The following CLN6 variants were observed in gnomAD, a reference collection of about 807,000 sequenced individuals.
The protein encoded by CLN6 is ceroid-lipofuscinosis neuronal protein 6.
In CLN6, 22 loss-of-function variants were observed where a neutral mutation model predicts 33.3. The observed-to-expected ratio is 0.66, with a 90% confidence interval of 0.47 to 0.94. The LOEUF is 0.94. Among genes scored for constraint, CLN6 ranks in the 40% least tolerant of loss-of-function variants. The pLI, the probability that CLN6 is intolerant of heterozygous loss-of-function variation, is 0.00. For synonymous variants in CLN6, 201 were observed against 174.6 expected (o/e 1.15, Z -1.19); for missense variants, 387 against 417.1 (o/e 0.93, Z 0.63).
At position 68,235,844 on chromosome 15, in the gene CLN6, G is replaced by T. The variant is rs373937898; in HGVS notation, c.180-17194C>A. On this transcript the variant is annotated intron_variant, in intron 1 of 6. Coordinates refer to the CLN6 transcript ENST00000538696. ...TTTGTTAAGCACCTGTTAGATTTCA[G>T]TCATGGTTCTAGATGATGGGAATAT... 3.3e-5 allele frequency among the ~76,000 whole-genome samples: 5 copies of T among 152,076 alleles called. No individual in the cohort carries two copies. The East Asian group carries it at 5.8e-4, about 18-fold the overall frequency.
chr15:68,250,830 A>G (rs1892371716), intron 1 of CLN6, among the ~76,000 whole-genome samples: 1 of 152,180 alleles, frequency 6.6e-6, no homozygotes, highest in South Asian at 2.1e-4. Context: ...CTACTTTCAA[A>G]TCACCATAAA....
At chr15:68,254,120 C>G (rs1467742594) in intron 1 of CLN6, among the ~76,000 whole-genome samples, 1 of 151,710 alleles carries the variant, frequency 6.6e-6, no homozygotes, top group African/African-American at 2.4e-5. Flanking sequence ...ACCTCGTGAT[C>G]CGCCCGTCTC....
rs1225400077 is a variant in CLN6 at position 68,226,143 on chromosome 15, C to T, written c.83+3359G>A. Among the ~76,000 whole-genome samples the T allele has an allele frequency of 4.0e-5, 6 of 151,724 alleles. No individual in the cohort carries two copies. In the South Asian group the frequency reaches 8.3e-4, roughly 21 times the overall value. ...GACCAGCCTGGCCAACATGGTGAAA[C>T]GCCGTCTCTACTAAAAATACAAAAA... On this transcript the variant is annotated intron_variant, in intron 1 of 6. Transcript: ENST00000249806.
At chr15:68,237,959 C>T (rs1892238247) in intron 1 of CLN6, among the ~76,000 whole-genome samples, 1 of 151,868 alleles carries the variant, frequency 6.6e-6, no homozygotes, top group Admixed American at 6.6e-5. Context: ...CCCGTCTCTA[C>T]TAAAAATACA....
intron 2 of CLN6, chr15:68,218,205 C>T: frequency 3.1e-6 from 1 of 320,834 alleles, no homozygotes; most frequent in South Asian, 2.8e-5. Context: ...TTTCCTATAC[C>T]CCTTTGTCTG....
chr15:68,226,192 A>C (rs1200920958), intron 1 of CLN6, among the ~76,000 whole-genome samples: 2 of 151,306 alleles, frequency 1.3e-5, no homozygotes, highest in African/African-American at 4.9e-5. Context: ...GGTGCCGAGC[A>C]CCTGTAATCC....
intron 3 of CLN6, 80 bp downstream of exon 3, chr15:68,214,210 C>T (rs2093214102): frequency 1.8e-6 from 2 of 1,105,708 alleles, no homozygotes; most frequent in Non-Finnish European, 2.8e-6. Flanking sequence ...TGAGTCAGGA[C>T]ACAGGGCTTA....
At chr15:68,229,204 C>A (rs2093260668) in intron 1 of CLN6, among the ~76,000 whole-genome samples, 1 of 152,184 alleles carries the variant, frequency 6.6e-6, no homozygotes, top group Non-Finnish European at 1.5e-5. Flanking sequence ...CAGCCCGGGT[C>A]GCTGGAACGC....
In CLN6 at chr15:68,246,132, C is replaced by T. The variant is rs1459430180; in HGVS notation, c.179+10558G>A. Among the ~76,000 whole-genome samples the T allele has an allele frequency of 6.6e-6, 1 of 152,092 alleles. No homozygotes were observed. Among genetic ancestry groups the T allele is most frequent in the African/African-American group, 2.4e-5 (1 of 41,386 alleles). On this transcript the variant is annotated intron_variant, in intron 1 of 6. Transcript: ENST00000538696. This position sits in a 1 kb window ranked among gnomAD's most constrained non-coding sequence, Gnocchi z 4.5. Reference sequence around the variant, plus strand: ...TACAATACAGTAGGGGACTTCAACACCCCACTTTTCAGTAATAAACAGATC... The same window carrying T: ...TACAATACAGTAGGGGACTTCAACATCCCACTTTTCAGTAATAAACAGATC...
At position 68,209,511 on chromosome 15, in the gene CLN6, A is replaced by C. The variant is rs570949530; in HGVS notation, c.665+126T>G. On this transcript the variant is annotated intron_variant, in intron 6 of 6. Transcript: ENST00000249806. This position sits in a 1 kb window ranked among gnomAD's most constrained non-coding sequence, Gnocchi z 4.9. ...CACAGTCCCCACTAGACACAAGAAG[A>C]AGCACGGGCCCAAAGAGGGCCAGTC... The C allele has an allele frequency of 1.1e-3, 1,451 of 1,333,798 alleles. 3 individuals carry two copies. The highest frequency in any genetic ancestry group is 2.0e-3 in the African/African-American group (142 of 69,686). The allele number at this position is 1,333,798 out of a possible 1,614,324, so 82.6% of individuals were successfully genotyped here.
intron 2 of CLN6, among the ~76,000 whole-genome samples, chr15:68,216,121 T>TG (rs1286832650): frequency 1.3e-5 from 2 of 152,156 alleles, no homozygotes; most frequent in Non-Finnish European, 2.9e-5. Flanking sequence ...CTAAGCAGGA[T>TG]GGGGGAAGTG....
In CLN6 at chr15:68,209,813, C is replaced by A; in HGVS notation, c.543-54G>T. 5 of 1,607,042 alleles carry A rather than the reference C, an allele frequency of 3.1e-6. No homozygotes were observed. The highest frequency in any genetic ancestry group is 4.2e-6 in the Non-Finnish European group (5 of 1,177,232). The stretch of plus-strand genomic sequence containing the variant: ...GCCTGCTCAGCGGCCCTCTTCCCCA[C>A]AACCTCTGCAACCACTCCCATGGGG... On this transcript the variant is annotated intron_variant, in intron 5 of 6. Transcript: ENST00000249806. This position sits in a 1 kb window ranked among gnomAD's most constrained non-coding sequence, Gnocchi z 4.9.
At chr15:68,251,935 G>A (rs1892383064) in intron 1 of CLN6, among the ~76,000 whole-genome samples, 1 of 150,942 alleles carries the variant, frequency 6.6e-6, no homozygotes, top group South Asian at 2.1e-4. Flanking sequence ...TCTAGCATGT[G>A]CGTGTGTATG....
At chr15:68,229,395 C>A in intron 1 of CLN6, 107 bp downstream of exon 1, 2 of 887,318 alleles carry the variant, frequency 2.3e-6, no homozygotes, top group South Asian at 2.0e-5. Context: ...CCGGCCAGCG[C>A]CGCACACGAG....
Position 68,247,083 on chromosome 15 carries a change from G to A in CLN6, c.179+9607C>T, listed in dbSNP as rs992721782. On this transcript the variant is annotated intron_variant, in intron 1 of 6. Coordinates refer to the CLN6 transcript ENST00000538696. The surrounding 1 kb of genome is among the most constrained non-coding windows in gnomAD (Gnocchi z 4.2). ...AGGCAGGAGAATTGCTTGAAACTGG[G>A]AGGTGTTCTAAGCTCTGGAACAAAA... 2.6e-5 allele frequency among the ~76,000 whole-genome samples: 4 copies of A among 152,204 alleles called. No individual in the cohort carries two copies. Among genetic ancestry groups the A allele is most frequent in the Non-Finnish European group, 5.9e-5 (4 of 68,008 alleles).
Position 68,209,904 on chromosome 15 carries a change from C to A in CLN6, c.543-145G>T. The A allele has an allele frequency of 8.9e-7, 1 of 1,126,002 alleles. No homozygotes were observed. The highest frequency in any genetic ancestry group is 1.3e-5 in the South Asian group (1 of 79,070). 69.8% of individuals were successfully genotyped at this position (1,126,002 alleles called of 1,614,324 possible). On this transcript the variant is annotated intron_variant, in intron 5 of 6. Transcript: ENST00000249806. This position sits in a 1 kb window ranked among gnomAD's most constrained non-coding sequence, Gnocchi z 4.9. ...CTGGGTGAGAGGCGCTCCTCTCCAC[C>A]CAACCTTGCCTGTGCTGGGCGTCAA...
intron 1 of CLN6, among the ~76,000 whole-genome samples, chr15:68,245,613 A>C (rs565715427): frequency 6.6e-6 from 1 of 152,228 alleles, no homozygotes; most frequent in African/African-American, 2.4e-5. Flanking sequence ...AATAAGCAAC[A>C]AAATGGCAGT....
In CLN6 at chr15:68,221,874, C is replaced by A. The variant is rs185631679; in HGVS notation, c.84-3224G>T. 2.9e-4 allele frequency among the ~76,000 whole-genome samples: 43 copies of A among 149,704 alleles called. 2 individuals carry two copies. In the East Asian group the frequency reaches 6.5e-3, roughly 23 times the overall value. The stretch of plus-strand genomic sequence containing the variant: ...GGAAGTGAGGAGCGCCTCTGCCTGG[C>A]TGCCCATCGTCTGGGATGTGAGGAG... On this transcript the variant is annotated intron_variant, in intron 1 of 6. Transcript: ENST00000249806.
At chr15:68,252,134 C>A (rs1395236172) in intron 1 of CLN6, among the ~76,000 whole-genome samples, 1 of 151,880 alleles carries the variant, frequency 6.6e-6, no homozygotes, top group Non-Finnish European at 1.5e-5. Context: ...ACCACCACGC[C>A]CAGCTAATTT....
Sources: allele counts gnomAD v4.1 joint callset (sites outside exome capture counted in the v4.1 genomes callset), GRCh38; gene constraint gnomAD v4.1.1; non-coding constraint Gnocchi (gnomAD v3.1); transcripts MANE v1.5; gene names NCBI Gene and HGNC (gene_info 2026-07-23, HGNC 2026-07-21).